DNAH10: variants seen among roughly 807,000 people sequenced by gnomAD.
DNAH10 encodes the protein axonemal beta dynein heavy chain 10.
A neutral mutation model predicts 506.6 loss-of-function variants in DNAH10; 348 were observed. The ratio of observed to expected loss-of-function variants is 0.69; its 90% CI spans 0.63 to 0.75. The LOEUF is 0.75. Ranked by LOEUF, DNAH10 falls within the 30% of genes least tolerant of loss-of-function variation. DNAH10 has a pLI of 0.00. For synonymous variants in DNAH10, 2,059 were observed against 2,198.6 expected (o/e 0.94, Z 1.78); for missense variants, 5,179 against 5,787.1 (o/e 0.89, Z 3.41).
rs76655275 is a variant in DNAH10, at chr12:123,908,620, G to A, written c.9816-641G>A. The stretch of plus-strand genomic sequence containing the variant: ...GCGCTGCTGTTCTGTCTCCTGTTCC[G>A]TTGGCAGTTCTGGTTCTCCAGAGGA... On this transcript the variant is annotated intron_variant, in intron 57 of 78. Coordinates refer to ENST00000673944, the MANE Select transcript of DNAH10 (RefSeq NM_001372106.1). The A allele has an allele frequency of 4.9e-5, 22 of 450,448 alleles. No individual in the cohort carries two copies. The East Asian group carries it at 7.7e-4, about 16-fold the overall frequency. 27.9% of individuals were successfully genotyped at this position (450,448 alleles called of 1,614,324 possible).
intron 53 of DNAH10, 74 bp from the exon 54 acceptor site, chr12:123,894,569 A>T: frequency 7.0e-7 from 1 of 1,429,344 alleles, no homozygotes; most frequent in Admixed American, 1.8e-5. Context: ...TGATTTTTGT[A>T]TTTTTTGTAG....
Position 123,850,332 on chromosome 12 carries a change from G to T in DNAH10, c.6103-556G>T, listed in dbSNP as rs1951108743. On this transcript the variant is annotated intron_variant, in intron 34 of 78. Coordinates refer to ENST00000673944, the MANE Select transcript of DNAH10 (RefSeq NM_001372106.1). The surrounding 1 kb of genome is among the most constrained non-coding windows in gnomAD (Gnocchi z 5.5). ...TTTGTTGGTACCTGGGGCAACCAGA[G>T]GAATGAAGACTGGTTTCTTGAGGGG... Among the ~76,000 whole-genome samples, 2 of 152,072 alleles carry T rather than the reference G, an allele frequency of 1.3e-5. No homozygotes were observed. Among genetic ancestry groups the T allele is most frequent in the Non-Finnish European group, 1.5e-5 (1 of 68,014 alleles).
rs573726946 is a variant in DNAH10 at position 123,832,598 on chromosome 12, C to G, written c.4546-516C>G. 2.0e-5 allele frequency among the ~76,000 whole-genome samples: 3 copies of G among 152,162 alleles called. No homozygotes were observed. The South Asian group carries it at 6.2e-4, about 32-fold the overall frequency. ...GCTCAAGCAGTCTGCTCACCTTGAC[C>G]TCCTAAAGTATTAGGATTACAGGCA... On this transcript the variant is annotated intron_variant, in intron 26 of 78. Transcript: ENST00000673944.
rs774997306 is a variant in DNAH10, at chr12:123,910,627, G to A, written c.10089G>A (p.Met3363Ile). The A allele has an allele frequency of 1.1e-5, 18 of 1,611,860 alleles. No homozygotes were observed. The highest frequency in any genetic ancestry group is 8.9e-5 in the East Asian group (4 of 44,878). The stretch of plus-strand genomic sequence containing the variant: ...TGCTGAAATTTGTTGAAGCTGTAAT[G>A]GGCTACTGTGATGTTTTCAGAGAAA... ...LGMLKFVEAV[M>I]GYCDVFREIK... is the part of the protein sequence containing the mutation. The change falls in exon 59 of 79, where the codon ATG (methionine) becomes ATA (isoleucine). Residue 3363 changes from methionine (M) to isoleucine (I), a missense_variant. Transcript: ENST00000673944.
chr12:123,892,196 A>G (rs560093813), intron 52 of DNAH10, among the ~76,000 whole-genome samples: 1 of 152,246 alleles, frequency 6.6e-6, no homozygotes, highest in Admixed American at 6.5e-5. Flanking sequence ...AAAGAGGTTC[A>G]TGTGGCTCAC....
intron 19 of DNAH10, 87 bp downstream of exon 19, chr12:123,809,040 C>T (rs902970869): frequency 6.7e-7 from 1 of 1,488,760 alleles, no homozygotes; most frequent in Non-Finnish European, 9.2e-7. Flanking sequence ...AGGCGTGAGC[C>T]ACTGCCCAAG....
In DNAH10 at chr12:123,888,050, T is replaced by A. The variant is rs567653097; in HGVS notation, c.8995+737T>A. Among the ~76,000 whole-genome samples the A allele has an allele frequency of 1.4e-4, 21 of 152,200 alleles. No homozygotes were observed. The South Asian group carries it at 4.1e-3, about 30-fold the overall frequency. On this transcript the variant is annotated intron_variant, in intron 52 of 78. Transcript: ENST00000673944. ...TGAGCCACCGTGCCTGGCACAAAAA[T>A]ATTTTTAAGAAGTTAGCCAGGCATG...
chr12:123,830,535 T>A lies in DNAH10; in HGVS notation c.4392-11T>A. 1 of 1,611,078 alleles carries A rather than the reference T, an allele frequency of 6.2e-7. No homozygotes were observed. Among genetic ancestry groups the A allele is most frequent in the Non-Finnish European group, 8.5e-7 (1 of 1,178,324 alleles). On this transcript the variant is annotated splice_polypyrimidine_tract_variant and intron_variant, in intron 25 of 78. Transcript: ENST00000673944. ...GTAAGCATAAAGATTTGAATGCTGA[T>A]GTGCTTTCAGGCATTGGAAAGAACT... is the stretch of plus-strand genomic sequence containing the variant.
At chr12:123,837,341 CA>C (rs145957562) in intron 28 of DNAH10, among the ~76,000 whole-genome samples, 10 of 115,486 alleles carry the variant, frequency 8.7e-5, no homozygotes, top group South Asian at 2.8e-4. Flanking sequence ...GACTCTGTCT[CA>C]AAAAAAAAAG....
rs753300343 is a variant in DNAH10 at position 123,868,089 on chromosome 12, G to T, written c.7489G>T (p.Gly2497Ter). Reference sequence around the variant, plus strand: ...TTCTTTGTCTACTGTTGACACAGAAGGAGTTTGGGCCAACCCTGGGGAACT... The same window carrying T: ...TTCTTTGTCTACTGTTGACACAGAATGAGTTTGGGCCAACCCTGGGGAACT... ...LASLSTVDTE[G>*]VWANPGELPG... The change falls in exon 43 of 79, where the codon GGA (glycine) becomes TGA (stop). Residue 2497 changes from glycine (G) to a stop codon, truncating the protein, a stop_gained. Coordinates refer to ENST00000673944, the MANE Select transcript of DNAH10 (RefSeq NM_001372106.1). LOFTEE classifies it high-confidence loss of function. 2 of 1,613,584 alleles carry T rather than the reference G, an allele frequency of 1.2e-6. No individual in the cohort carries two copies. Among genetic ancestry groups the T allele is most frequent in the Non-Finnish European group, 1.7e-6 (2 of 1,179,874 alleles).
chr12:123,813,859 A>C lies in DNAH10; in HGVS notation c.3727A>C (p.Arg1243=). 6.2e-7 allele frequency: 1 copy of C among 1,612,566 alleles called. No individual in the cohort carries two copies. Among genetic ancestry groups the C allele is most frequent in the East Asian group, 2.2e-5 (1 of 44,884 alleles). Residue 1243 remains arginine, a synonymous_variant, in exon 21 of 79, where the codon AGA becomes CGA. Transcript: ENST00000673944. ...IRSKSLVMEL[R]YRDVQERYRT... ...AAGTAAATCTCTAGTCATGGAACTC[A>C]GATATAGGGACGTCCAGGAGCGATA...
rs1594400872 is a variant in DNAH10 at position 123,926,245 on chromosome 12, A to G, written c.11922-392A>G. Among the ~76,000 whole-genome samples the G allele has an allele frequency of 6.6e-6, 1 of 151,458 alleles. No homozygotes were observed. Among genetic ancestry groups the G allele is most frequent in the East Asian group, 1.9e-4 (1 of 5,178 alleles). On this transcript the variant is annotated intron_variant, in intron 68 of 78. Coordinates refer to ENST00000673944, the MANE Select transcript of DNAH10 (RefSeq NM_001372106.1). This position sits in a 1 kb window ranked among gnomAD's most constrained non-coding sequence, Gnocchi z 4.1. ...GATTATATATTTCAATTTAAAAAAA[A>G]AAAAAAAAAAGAAAAAGAAAAAACC...
chr12:123,898,985 G>A (rs1953391963), intron 56 of DNAH10, among the ~76,000 whole-genome samples, 171 bp downstream of exon 56: 1 of 152,166 alleles, frequency 6.6e-6, no homozygotes, highest in African/African-American at 2.4e-5. Context: ...TGCAATTCCT[G>A]TTTTCTTTCT....
rs758677841 is a variant in DNAH10, at chr12:123,931,769, G to A, written c.13050G>A (p.Ser4350=). 5.0e-6 allele frequency: 8 copies of A among 1,613,916 alleles called. No individual in the cohort carries two copies. Among genetic ancestry groups the A allele is most frequent in the African/African-American group, 2.7e-5 (2 of 74,930 alleles). The change falls in exon 75 of 79, where the codon TCG becomes TCA. Residue 4350 remains serine, a synonymous_variant. Coordinates refer to ENST00000673944, the MANE Select transcript of DNAH10 (RefSeq NM_001372106.1). ...KRLGTGLSPT[S]VVLLQELERF... is the part of the protein sequence containing the mutation. ...TCGGAACAGGACTCTCCCCCACTTC[G>A]GTGGTGCTCCTGCAGGAACTGGAAC...
Position 123,907,554 on chromosome 12 carries a change from C to T in DNAH10, c.9816-1707C>T, listed in dbSNP as rs1234355672. ...TGGCCTGCAACCCAACAGCAGAAAA[C>T]GTCACTTTGGTAGACTCAGAGGATT... On this transcript the variant is annotated intron_variant, in intron 57 of 78. Coordinates refer to ENST00000673944, the MANE Select transcript of DNAH10 (RefSeq NM_001372106.1). This position sits in a 1 kb window ranked among gnomAD's most constrained non-coding sequence, Gnocchi z 4.4. Among the ~76,000 whole-genome samples, 2 of 152,174 alleles carry T rather than the reference C, an allele frequency of 1.3e-5. No homozygotes were observed. The highest frequency in any genetic ancestry group is 4.8e-5 in the African/African-American group (2 of 41,440).
intron 1 of DNAH10, among the ~76,000 whole-genome samples, chr12:123,766,992 G>A (rs1044425126): frequency 1.2e-4 from 17 of 144,170 alleles, no homozygotes; most frequent in African/African-American, 3.1e-4. Flanking sequence ...TGCAACCTCC[G>A]CCTCTTGGGC....
intron 52 of DNAH10, among the ~76,000 whole-genome samples, chr12:123,892,286 A>G (rs934873221): frequency 6.2e-4 from 94 of 152,330 alleles, no homozygotes; most frequent in African/African-American, 2.2e-3. Context: ...CAGAAGGTGA[A>G]GGGGGAGCAG....
Position 123,846,602 on chromosome 12 carries a change from G to A in DNAH10, c.5814+448G>A, listed in dbSNP as rs1170370725. Among the ~76,000 whole-genome samples, 3 of 152,154 alleles carry A rather than the reference G, an allele frequency of 2.0e-5. No homozygotes were observed. Among genetic ancestry groups the A allele is most frequent in the Non-Finnish European group, 2.9e-5 (2 of 68,032 alleles). On this transcript the variant is annotated intron_variant, in intron 32 of 78. Coordinates refer to ENST00000673944, the MANE Select transcript of DNAH10 (RefSeq NM_001372106.1). The surrounding 1 kb of genome is among the most constrained non-coding windows in gnomAD (Gnocchi z 4.5). ...AAATGAAGATAACACTTCCATCCAG[G>A]CAGAGCTTGGGAAGGTTTGCAAGCA...
At chr12:123,879,894 T>A (rs1882489) in intron 50 of DNAH10, 93 bp downstream of exon 50, 737,091 of 1,438,188 alleles carry the variant, frequency 0.51, 191,004 homozygotes, top group Middle Eastern at 0.55. Context: ...CGGGAGCCTA[T>A]CACCTGGGGC....
Sources: allele counts gnomAD v4.1 joint callset (sites outside exome capture counted in the v4.1 genomes callset), GRCh38; gene constraint gnomAD v4.1.1; non-coding constraint Gnocchi (gnomAD v3.1); transcripts MANE v1.5; gene names NCBI Gene and HGNC (gene_info 2026-07-23, HGNC 2026-07-21).